The following CARMIL3 variants were observed in gnomAD, a reference collection of about 807,000 sequenced individuals.
CARMIL3 encodes the protein capping protein regulator and myosin 1 linker 3, also known as capping protein, Arp2/3 and myosin-I linker protein 3.
In CARMIL3, 88 loss-of-function variants were observed where a neutral mutation model predicts 180.8. The observed-to-expected ratio is 0.49, with a 90% CI of 0.41 to 0.58. The LOEUF is 0.58. Among genes scored for constraint, CARMIL3 ranks in the 20% least tolerant of loss-of-function variants. The probability of loss-of-function intolerance (pLI) is 0.00; values close to 1 mark genes in which losing one functional copy is unlikely to be tolerated. For missense variants in CARMIL3, 1,548 were observed against 1,787.0 expected, an observed-to-expected ratio of 0.87 and a Z score of 2.41; for synonymous variants, 696 against 714.5, an observed-to-expected ratio of 0.97 and a Z score of 0.41.
In CARMIL3 at chr14:24,058,899, C is replaced by T. The variant is rs903296577; in HGVS notation, c.1484C>T (p.Ser495Leu). 5.6e-6 allele frequency: 9 copies of T among 1,614,100 alleles called. No individual in the cohort carries two copies. Among genetic ancestry groups the T allele is most frequent in the Admixed American group, 3.3e-5 (2 of 60,006 alleles). ...SLDLSDNGFD[S>L]DLLTLVPALG... is the part of the protein sequence containing the mutation. ...CCCATCTGCTCACCAGGGTTCGACT[C>T]GGACCTCCTGACACTGGTGCCTGCA... Residue 495 changes from serine (S) to leucine (L), a missense_variant, in exon 19 of 40, where the codon TCG becomes TTG. Physicochemically the swap from Ser to Leu is moderately radical, Grantham distance 145. Transcript: ENST00000342740. This position sits in a 1 kb window ranked among gnomAD's most constrained non-coding sequence, Gnocchi z 6.4.
intron 36 of CARMIL3, among the ~76,000 whole-genome samples, chr14:24,066,928 G>C (rs2035793000): frequency 6.6e-6 from 1 of 152,238 alleles, no homozygotes; most frequent in Non-Finnish European, 1.5e-5. Flanking sequence ...ATTCTCCAGG[G>C]CAGGTGCAGC....
In CARMIL3 at chr14:24,068,462, G is replaced by A. The variant is rs1287115036; in HGVS notation, c.3683-122G>A. The A allele has an allele frequency of 1.1e-5, 8 of 724,914 alleles. No homozygotes were observed. In the South Asian group the frequency reaches 1.2e-4, roughly 11 times the overall value. The allele number at this position is 724,914 out of a possible 1,614,324, so 44.9% of individuals were successfully genotyped here. On this transcript the variant is annotated intron_variant, in intron 36 of 39. Transcript: ENST00000342740. The stretch of plus-strand genomic sequence containing the variant: ...AAGGCACATGAAAGGCAGAGACATA[G>A]GAGCAAGTGGGCTTGGAGGGAGAAA...
Position 24,059,742 on chromosome 14 carries a change from C to T in CARMIL3, c.1868+10C>T. On this transcript the variant is annotated intron_variant, in intron 22 of 39. Transcript: ENST00000342740. The surrounding 1 kb of genome is among the most constrained non-coding windows in gnomAD (Gnocchi z 6.3). ...CAAGGGCCCTGGAGAGGTGAGTAGA[C>T]CATGGTCCTGCCCTGATCCAAGTCC... 1 of 1,613,718 alleles carries T rather than the reference C, an allele frequency of 6.2e-7. No individual in the cohort carries two copies. The highest frequency in any genetic ancestry group is 1.1e-5 in the South Asian group (1 of 91,038).
chr14:24,062,346 G>A (rs962232740), intron 27 of CARMIL3, 134 bp from the exon 28 acceptor site: 5 of 817,506 alleles, frequency 6.1e-6, no homozygotes, highest in African/African-American at 1.7e-5. Flanking sequence ...TCCTTCAGCA[G>A]CCACATGCGC....
rs1415743279 is a variant in CARMIL3, at chr14:24,054,005, G to A, written c.136-83G>A. On this transcript the variant is annotated intron_variant, in intron 2 of 39. Coordinates refer to ENST00000342740, the MANE Select transcript of CARMIL3 (RefSeq NM_138360.4). The surrounding 1 kb of genome is among the most constrained non-coding windows in gnomAD (Gnocchi z 5.1). ...ATCGGGTTGGGGAGACACTCCAAGA[G>A]CAGAGCTGAAGGGCTTAAGGAGGGC... The A allele has an allele frequency of 6.7e-6, 10 of 1,495,776 alleles. 1 individual carries two copies. The East Asian group carries it at 2.3e-4, about 35-fold the overall frequency. 92.7% of individuals were successfully genotyped at this position (1,495,776 alleles called of 1,614,324 possible).
At chr14:24,055,658 GC>G (rs1306897489) in intron 9 of CARMIL3, 40 bp downstream of exon 9, 1 of 1,613,444 alleles carries the variant, frequency 6.2e-7, no homozygotes, top group South Asian at 1.1e-5. Flanking sequence ...GAGAAGTAGT[GC>G]CCCCCTTGGC....
In CARMIL3 at chr14:24,056,966, C is replaced by T; in HGVS notation, c.1004C>T (p.Ser335Phe). 6.2e-7 allele frequency: 1 copy of T among 1,614,096 alleles called. No homozygotes were observed. Among genetic ancestry groups the T allele is most frequent in the South Asian group, 1.1e-5 (1 of 91,056 alleles). ...TFGANPAFASSLRYLDLSKNP... is the reference protein window; with the variant it reads ...TFGANPAFASFLRYLDLSKNP... Reference sequence around the variant, plus strand: ...GGGGCAAACCCAGCATTTGCCAGCTCCCTTCGATACCTGGACCTGAGCAAG... The same window carrying T: ...GGGGCAAACCCAGCATTTGCCAGCTTCCTTCGATACCTGGACCTGAGCAAG... The change falls in exon 13 of 40, where the codon TCC becomes TTC. Residue 335 changes from serine to phenylalanine, a missense_variant. Transcript: ENST00000342740.
At position 24,060,201 on chromosome 14, in the gene CARMIL3, C is replaced by T. The variant is rs1594550783; in HGVS notation, c.2007C>T (p.Pro669=). The part of the protein sequence containing the change: ...LVRNNHSQTC[P]QEQAFRLQQG... ...GGAACAACCACTCCCAGACGTGCCCCCAGGAGCAGGCCTTCAGGTTGCAGC... is the reference window on the plus strand; with the variant it reads ...GGAACAACCACTCCCAGACGTGCCCTCAGGAGCAGGCCTTCAGGTTGCAGC... The change falls in exon 24 of 40, where the codon CCC becomes CCT. Residue 669 remains proline, a synonymous_variant. Coordinates refer to ENST00000342740, the MANE Select transcript of CARMIL3 (RefSeq NM_138360.4). 1.9e-6 allele frequency: 3 copies of T among 1,614,204 alleles called. No individual in the cohort carries two copies. The highest frequency in any genetic ancestry group is 1.7e-5 in the Admixed American group (1 of 60,034).
Position 24,058,356 on chromosome 14 carries a change from T to C in CARMIL3, c.1392+132T>C, listed in dbSNP as rs2035696483. On this transcript the variant is annotated intron_variant, in intron 17 of 39. Coordinates refer to ENST00000342740, the MANE Select transcript of CARMIL3 (RefSeq NM_138360.4). The surrounding 1 kb of genome is among the most constrained non-coding windows in gnomAD (Gnocchi z 6.4). ...CCCCCTGACCTGGCCACACCACCAC[T>C]TTCCCCTCTCAGTCTGGCCTCTTTT... 5 of 917,442 alleles carry C rather than the reference T, an allele frequency of 5.4e-6. No individual in the cohort carries two copies. Among genetic ancestry groups the C allele is most frequent in the South Asian group, 1.6e-5 (1 of 61,674 alleles). The allele number at this position is 917,442 out of a possible 1,614,324, so 56.8% of individuals were successfully genotyped here.
intron 32 of CARMIL3, among the ~76,000 whole-genome samples, 173 bp downstream of exon 32, chr14:24,064,519 C>T (rs1275989940): frequency 6.6e-6 from 1 of 152,242 alleles, no homozygotes; most frequent in Non-Finnish European, 1.5e-5. Context: ...GGCCCATGAC[C>T]TCTGCGTCTT....
chr14:24,060,699 G>A lies in CARMIL3; in HGVS notation c.2133G>A (p.Val711=). The stretch of plus-strand genomic sequence containing the variant: ...TGAGACTATGCCCCCTGGAGCCTGT[G>A]CAGGATGAGCTACTCTACGCTCGGG... The part of the protein sequence containing the change: ...RALRLCPLEP[V]QDELLYARDL... Residue 711 remains valine (V), a synonymous_variant, in exon 25 of 40, where the codon GTG becomes GTA. Coordinates refer to ENST00000342740, the MANE Select transcript of CARMIL3 (RefSeq NM_138360.4). 1.2e-6 allele frequency: 2 copies of A among 1,614,116 alleles called. No homozygotes were observed. The highest frequency in any genetic ancestry group is 1.7e-6 in the Non-Finnish European group (2 of 1,180,020).
At chr14:24,055,174 C>T (rs966327849) in intron 7 of CARMIL3, 38 bp downstream of exon 7, 1 of 1,613,758 alleles carries the variant, frequency 6.2e-7, no homozygotes, top group Non-Finnish European at 8.5e-7. Flanking sequence ...ACAGGTGGGA[C>T]CTGGAGGGAA....
chr14:24,065,169 C>G lies in CARMIL3; in HGVS notation c.3292C>G (p.Pro1098Ala). The change falls in exon 33 of 40, where the codon CCA becomes GCA. Residue 1098 changes from proline (P) to alanine (A), a missense_variant. By Grantham distance (27) the Pro-to-Ala change is conservative. Around this residue, in one of 4 missense-constraint regions of CARMIL3, gnomAD observed 668 missense variants for 687.8 expected, o/e 0.97. Coordinates refer to ENST00000342740, the MANE Select transcript of CARMIL3 (RefSeq NM_138360.4). Reference sequence around the variant, plus strand: ...GGAGAGCCCCCCTAGCCCAGACCCCCCAAGCCTCGGCAATAACTCCTCTCC... The same window carrying G: ...GGAGAGCCCCCCTAGCCCAGACCCCGCAAGCCTCGGCAATAACTCCTCTCC... ...TQESPPSPDP[P>A]SLGNNSSPCW... 6.6e-7 allele frequency: 1 copy of G among 1,512,730 alleles called. No homozygotes were observed. Among genetic ancestry groups the G allele is most frequent in the Middle Eastern group, 2.4e-4 (1 of 4,230 alleles). 93.7% of individuals were successfully genotyped at this position (1,512,730 alleles called of 1,614,324 possible).
chr14:24,057,108 T>C, intron 13 of CARMIL3, 59 bp from the exon 14 acceptor site: 1 of 1,596,254 alleles, frequency 6.3e-7, no homozygotes, highest in Non-Finnish European at 8.6e-7. Flanking sequence ...CCATGGCCTC[T>C]GGGGGTGGCG....
intron 14 of CARMIL3, 71 bp downstream of exon 14, chr14:24,057,315 C>T (rs2138721465): frequency 7.1e-7 from 1 of 1,407,194 alleles, no homozygotes; most frequent in Non-Finnish European, 9.9e-7. Context: ...CGGTCTCACC[C>T]CCTATCCCTG....
Position 24,052,064 on chromosome 14 carries a change from G to C in CARMIL3, c.-90G>C. The C allele has an allele frequency of 7.4e-7, 1 of 1,347,692 alleles. No individual in the cohort carries two copies. Among genetic ancestry groups the C allele is most frequent in the Non-Finnish European group, 9.8e-7 (1 of 1,023,110 alleles). 83.5% of individuals were successfully genotyped at this position (1,347,692 alleles called of 1,614,324 possible). On this transcript the variant is annotated 5_prime_UTR_variant, in exon 1 of 40. Coordinates refer to ENST00000342740, the MANE Select transcript of CARMIL3 (RefSeq NM_138360.4). ...GCCGCTGCTGCAGCGCTCAGCGCCC[G>C]GGCCCTGCTGAAGCCGGGTCTAGCA...
rs370965600 is a variant in CARMIL3, at chr14:24,065,735, C to T, written c.3510C>T (p.Phe1170=). The T allele has an allele frequency of 1.2e-5, 19 of 1,613,818 alleles. No homozygotes were observed. Among genetic ancestry groups the T allele is most frequent in the Non-Finnish European group, 1.5e-5 (18 of 1,179,884 alleles). The part of the protein sequence containing the change: ...PGLERAKGWS[F]DGKREGPGPD... ...TGGAAAGAGCCAAGGGTTGGAGCTT[C>T]GATGGGAAACGAGAGGTGAGTGGAG... The change falls in exon 34 of 40, where the codon TTC becomes TTT. Residue 1170 remains phenylalanine, a synonymous_variant. Coordinates refer to ENST00000342740, the MANE Select transcript of CARMIL3 (RefSeq NM_138360.4).
At position 24,054,752 on chromosome 14, in the gene CARMIL3, C is replaced by G. The variant is rs369209419; in HGVS notation, c.404C>G (p.Pro135Arg). The G allele has an allele frequency of 6.2e-7, 1 of 1,614,138 alleles. No individual in the cohort carries two copies. ...RRGNADTPEG[P>R]RDTSPNSETS... is the part of the protein sequence containing the mutation. ...GGAAACGCAGACACCCCAGAGGGGC[C>G]CCGAGATACATCCCCCAACTCTGAG... The change falls in exon 6 of 40, where the codon CCC becomes CGC. Residue 135 changes from proline to arginine, a missense_variant. By Grantham distance (103) the Pro-to-Arg change is moderately radical. Around this residue, in one of 4 missense-constraint regions of CARMIL3, gnomAD observed 578 missense variants for 666.5 expected, o/e 0.87. Coordinates refer to ENST00000342740, the MANE Select transcript of CARMIL3 (RefSeq NM_138360.4). The surrounding 1 kb of genome is among the most constrained non-coding windows in gnomAD (Gnocchi z 5.1).
At chr14:24,057,358 T>C (rs1239383218) in intron 14 of CARMIL3, 114 bp downstream of exon 14, 12 of 922,098 alleles carry the variant, frequency 1.3e-5, no homozygotes, top group Middle Eastern at 4.4e-4. Flanking sequence ...TCTAGATGAC[T>C]TCAGGTTCAG....
Sources: gnomAD v4.1 joint callset for allele counts (sites outside exome capture counted in the v4.1 genomes callset) on GRCh38, gnomAD v4.1.1 for gene constraint, gnomAD v4.1.1 regional missense constraint, Gnocchi (gnomAD v3.1) non-coding constraint, MANE v1.5 for transcripts, NCBI Gene and HGNC (gene_info 2026-07-23, HGNC 2026-07-21) for gene names.